NECTIN3: variants seen among roughly 807,000 people sequenced by gnomAD.
NECTIN3 encodes nectin-3.
Under a neutral mutation model 49.4 loss-of-function variants are expected in NECTIN3, and 8 were observed. The ratio of observed to expected loss-of-function variants is 0.16; its 90% CI spans 0.10 to 0.29. The LOEUF is 0.29. Ranked by LOEUF, NECTIN3 falls within the 10% of genes least tolerant of loss-of-function variation. NECTIN3 has a pLI of 1.00. For synonymous variants in NECTIN3, 277 were observed against 241.1 expected (o/e 1.15, Z -1.38); for missense variants, 581 against 654.6 (o/e 0.89, Z 1.23).
downstream of NECTIN3, among the ~76,000 whole-genome samples, chr3:111,137,917 A>G (rs1201785175): frequency 6.6e-6 from 1 of 151,074 alleles, no homozygotes; most frequent in Non-Finnish European, 1.5e-5. Context: ...GCATGCATTA[A>G]CTATAATATT....
chr3:111,134,157 A>G lies in NECTIN3; in HGVS notation c.1592A>G (p.Asp531Gly), dbSNP rs1017790274. ...GATGAACATTATGATGAAAACGAAG[A>G]TGACTTAGTTTCACATGTAGATGGT... is the stretch of plus-strand genomic sequence containing the variant. ...VSDEHYDENE[D>G]DLVSHVDGSV... The change falls in exon 6 of 6, where the codon GAT becomes GGT. Residue 531 changes from aspartate to glycine, a missense_variant. Around this residue, in one of 3 missense-constraint regions of NECTIN3, gnomAD observed 238 missense variants for 244.9 expected, o/e 0.97. Coordinates refer to ENST00000485303, the MANE Select transcript of NECTIN3 (RefSeq NM_015480.3). 6.2e-7 allele frequency: 1 copy of G among 1,611,938 alleles called. No homozygotes were observed. The highest frequency in any genetic ancestry group is 1.7e-5 in the Admixed American group (1 of 59,842).
chr3:111,157,740 A>G (rs1452459387), intron 7 of NECTIN3, among the ~76,000 whole-genome samples: 1 of 152,118 alleles, frequency 6.6e-6, no homozygotes, highest in Non-Finnish European at 1.5e-5. Flanking sequence ...TGCATTGGGA[A>G]TAAAGTTAAG....
chr3:111,141,904 T>C (rs2034755533), downstream of NECTIN3, among the ~76,000 whole-genome samples: 1 of 151,922 alleles, frequency 6.6e-6, no homozygotes, highest in African/African-American at 2.4e-5. Context: ...ATACATTTGG[T>C]CACTTAATTT....
intron 1 of NECTIN3, among the ~76,000 whole-genome samples, chr3:111,081,801 T>C (rs989590605): frequency 6.6e-6 from 1 of 152,068 alleles, no homozygotes; most frequent in South Asian, 2.1e-4. Flanking sequence ...TAGAAGGAAT[T>C]AGTGTTCTCA....
At chr3:111,124,064 A>G (rs1262290830) in intron 4 of NECTIN3, among the ~76,000 whole-genome samples, 2 of 152,126 alleles carry the variant, frequency 1.3e-5, no homozygotes, top group Non-Finnish European at 1.5e-5. Context: ...AGGAAGCACT[A>G]TATCTGGTCA....
At chr3:111,090,236 A>G (rs1282683328) in intron 1 of NECTIN3, among the ~76,000 whole-genome samples, 2 of 152,104 alleles carry the variant, frequency 1.3e-5, no homozygotes, top group African/African-American at 4.8e-5. Flanking sequence ...GTTTCTTTAC[A>G]TATTTGAGTT....
At chr3:111,112,496 G>A (rs1245025855) in intron 2 of NECTIN3, 125 bp downstream of exon 2, 4 of 652,078 alleles carry the variant, frequency 6.1e-6, no homozygotes, top group Non-Finnish European at 9.8e-6. Flanking sequence ...ATTCAAATAC[G>A]ATTTTTCAAG....
At chr3:111,075,248 G>T (rs2031099763) in intron 1 of NECTIN3, 1 of 152,034 alleles carries the variant, frequency 6.6e-6, no homozygotes. Flanking sequence ...ATTAGGTAAA[G>T]ACTTATGAAT....
intron 7 of NECTIN3, among the ~76,000 whole-genome samples, chr3:111,161,475 C>T (rs567840041): frequency 2.0e-5 from 3 of 152,262 alleles, no homozygotes; most frequent in African/African-American, 4.8e-5. Flanking sequence ...CCAACCCCCA[C>T]GTCACAGACC....
chr3:111,122,017 T>C (rs1310384971), intron 3 of NECTIN3, 104 bp from the exon 4 acceptor site: 2 of 762,532 alleles, frequency 2.6e-6, no homozygotes, highest in Non-Finnish European at 4.3e-6. Flanking sequence ...GAAAAATGGT[T>C]CCTGTTATTC....
intron 4 of NECTIN3, among the ~76,000 whole-genome samples, chr3:111,122,939 CT>C (rs2034015527): frequency 6.6e-6 from 1 of 151,848 alleles, no homozygotes; most frequent in South Asian, 2.1e-4. Flanking sequence ...CCTGTTCACT[CT>C]TTTTGGAACT....
chr3:111,176,465 G>A (rs924607154), intron 7 of NECTIN3, among the ~76,000 whole-genome samples: 2 of 152,042 alleles, frequency 1.3e-5, no homozygotes, highest in Non-Finnish European at 2.9e-5. Context: ...GTGTCTTTGT[G>A]GGGGGAAATG....
At chr3:111,178,947 A>T (rs1246228628) in intron 7 of NECTIN3, among the ~76,000 whole-genome samples, 1 of 152,224 alleles carries the variant, frequency 6.6e-6, no homozygotes, top group East Asian at 1.9e-4. Flanking sequence ...ATAGTGTAAG[A>T]CTATGAGTAT....
At chr3:111,072,414 G>T (rs986194116) in intron 1 of NECTIN3, 8 of 1,524,286 alleles carry the variant, frequency 5.2e-6, no homozygotes, top group Non-Finnish European at 7.0e-6. Flanking sequence ...GCGGGTCGCC[G>T]TGCGGATGGC....
chr3:111,172,606 G>A (rs920543681), intron 7 of NECTIN3, among the ~76,000 whole-genome samples: 2 of 152,028 alleles, frequency 1.3e-5, no homozygotes, highest in Non-Finnish European at 2.9e-5. Flanking sequence ...AAGGAAAGTG[G>A]GTCCTAAAGT....
At chr3:111,105,595 G>A (rs772543037) in intron 1 of NECTIN3, among the ~76,000 whole-genome samples, 31 of 152,232 alleles carry the variant, frequency 2.0e-4, no homozygotes, top group African/African-American at 4.1e-4. Flanking sequence ...TAGCTTTATT[G>A]TAGATTCCAT....
At chr3:111,144,342 A>T (rs2034822635) in intron 5 of NECTIN3, among the ~76,000 whole-genome samples, 1 of 152,040 alleles carries the variant, frequency 6.6e-6, no homozygotes, top group African/African-American at 2.4e-5. Context: ...ATGTGCATGA[A>T]TTAAGGGAAA....
intron 5 of NECTIN3, among the ~76,000 whole-genome samples, chr3:111,131,866 A>G (rs2034405959): frequency 6.6e-6 from 1 of 151,928 alleles, no homozygotes; most frequent in South Asian, 2.1e-4. Context: ...GCAGAAAAGT[A>G]TTTAAATTAT....
chr3:111,073,800 A>G (rs895146601), intron 1 of NECTIN3, among the ~76,000 whole-genome samples: 7 of 152,252 alleles, frequency 4.6e-5, no homozygotes, highest in African/African-American at 1.7e-4. Context: ...AAGCCAGGTA[A>G]TATGCATAGC....
Sources: allele counts gnomAD v4.1 joint callset (sites outside exome capture counted in the v4.1 genomes callset), GRCh38; gene constraint gnomAD v4.1.1; regional missense constraint gnomAD v4.1.1; transcripts MANE v1.5; gene names NCBI Gene and HGNC (gene_info 2026-07-23, HGNC 2026-07-21).